PITPNM1: variants seen among roughly 807,000 people sequenced by gnomAD.
PITPNM1 encodes the protein membrane-associated phosphatidylinositol transfer protein 1.
PITPNM1 carries 74 observed loss-of-function variants against 133.3 expected under a neutral mutation model. The observed-to-expected ratio is 0.56, with a 90% confidence interval of 0.46 to 0.67. PITPNM1 has a LOEUF of 0.67. Among genes scored for constraint, PITPNM1 ranks in the 30% least tolerant of loss-of-function variants. The pLI is 0.00. For synonymous variants in PITPNM1, 738 were observed against 741.4 expected (o/e 1.00, Z 0.08); for missense variants, 1,398 against 1,739.5 (o/e 0.80, Z 3.49).
chr11:67,496,680 A>C (rs576622385), intron 14 of PITPNM1: 1 of 293,724 alleles, frequency 3.4e-6, no homozygotes, highest in South Asian at 6.2e-5. Flanking sequence ...CATTCCTGGA[A>C]TCCCAGCACT....
At chr11:67,493,207 C>T (rs1040173133) in intron 22 of PITPNM1, 145 bp from the exon 23 acceptor site, 16 of 1,142,764 alleles carry the variant, frequency 1.4e-5, no homozygotes, top group Middle Eastern at 2.4e-4. Context: ...GGGACAGGGG[C>T]GGGACCAGCT....
Position 67,502,306 on chromosome 11 carries a change from C to T in PITPNM1, c.401G>A (p.Arg134Lys). 3.7e-6 allele frequency: 6 copies of T among 1,613,338 alleles called. No individual in the cohort carries two copies. Among genetic ancestry groups the T allele is most frequent in the Non-Finnish European group, 5.1e-6 (6 of 1,180,004 alleles). The change falls in exon 4 of 24, where the codon AGA (arginine) becomes AAA (lysine). Residue 134 changes from arginine to lysine, a missense_variant. Physicochemically the swap from Arg to Lys is conservative, Grantham distance 26. Around this residue, in one of 5 missense-constraint regions of PITPNM1, gnomAD observed 274 missense variants for 360.7 expected, o/e 0.76. Transcript: ENST00000356404. The surrounding 1 kb of genome is among the most constrained non-coding windows in gnomAD (Gnocchi z 5.9). ...CCAGGCCTCACCCAGGATGCGCTGT[C>T]TCCTCTCGGCCCCGCTCAGGTTGAA... ...NVFNLSGAER[R>K]QRILDTIDIV... is the part of the protein sequence containing the mutation.
chr11:67,493,036 A>T lies in PITPNM1; in HGVS notation c.3369T>A (p.Tyr1123Ter). ...QEVELNIVAG[Y>*]GSPKDVAVYA... The stretch of plus-strand genomic sequence containing the variant: ...ATACAGCCACATCTTTGGGAGACCC[A>T]TAACCGGCCACGATGTTCAGTTCTA... The change falls in exon 23 of 24, where the codon TAT (tyrosine) becomes TAA (stop). Residue 1123 changes from tyrosine to a stop codon, truncating the protein, a stop_gained. Coordinates refer to ENST00000356404, the MANE Select transcript of PITPNM1 (RefSeq NM_004910.3). LOFTEE classifies it high-confidence loss of function. The T allele has an allele frequency of 6.2e-7, 1 of 1,613,092 alleles. No homozygotes were observed. The highest frequency in any genetic ancestry group is 8.5e-7 in the Non-Finnish European group (1 of 1,179,936).
intron 5 of PITPNM1, 132 bp from the exon 6 acceptor site, chr11:67,500,553 G>A: frequency 1.2e-6 from 1 of 805,874 alleles, no homozygotes; most frequent in Non-Finnish European, 2.0e-6. Flanking sequence ...AGTAGGGCAG[G>A]GCCAGTGCAG....
At chr11:67,497,152 T>G in intron 14 of PITPNM1, 79 bp downstream of exon 14, 1 of 1,214,800 alleles carries the variant, frequency 8.2e-7, no homozygotes, top group Non-Finnish European at 1.1e-6. Context: ...ATGCCTCGGA[T>G]GAGAGGGAAG....
Position 67,492,051 on chromosome 11 carries a change from C to T in PITPNM1, c.3717G>A (p.Lys1239=). Residue 1239 remains lysine (K), a synonymous_variant, in exon 24 of 24, where the codon AAG becomes AAA. Coordinates refer to ENST00000356404, the MANE Select transcript of PITPNM1 (RefSeq NM_004910.3). ...ARGKARSISL[K]LDSEE ...GTGGGCCTCACTCCTCGCTGTCCAGCTTCAGGCTGATGCTCCGTGCTTTGC... is the reference window on the plus strand; with the variant it reads ...GTGGGCCTCACTCCTCGCTGTCCAGTTTCAGGCTGATGCTCCGTGCTTTGC... 2 of 1,612,480 alleles carry T rather than the reference C, an allele frequency of 1.2e-6. No individual in the cohort carries two copies. Among genetic ancestry groups the T allele is most frequent in the Non-Finnish European group, 1.7e-6 (2 of 1,179,850 alleles).
rs763828009 is a variant in PITPNM1, at chr11:67,494,044, C to T, written c.2886G>A (p.Pro962=). 6.2e-6 allele frequency: 10 copies of T among 1,608,292 alleles called. No individual in the cohort carries two copies. Among genetic ancestry groups the T allele is most frequent in the African/African-American group, 1.3e-5 (1 of 74,660 alleles). The change falls in exon 20 of 24, where the codon CCG becomes CCA. Residue 962 remains proline (P), a synonymous_variant. Coordinates refer to ENST00000356404, the MANE Select transcript of PITPNM1 (RefSeq NM_004910.3). ...EKVDVYIMTQ[P]LSGKWIHFGT... is the part of the protein sequence containing the mutation. Reference sequence around the variant, plus strand: ...CAAAGTGGATCCACTTGCCCGACAGCGGCTGCGTCATGATGTAGACATCCA... The same window carrying T: ...CAAAGTGGATCCACTTGCCCGACAGTGGCTGCGTCATGATGTAGACATCCA...
chr11:67,496,426 C>A (rs757691212), intron 14 of PITPNM1, 78 bp from the exon 15 acceptor site: 4 of 1,344,876 alleles, frequency 3.0e-6, no homozygotes, highest in Non-Finnish European at 4.0e-6. Flanking sequence ...GGTGTGGGAG[C>A]AGCACCCTGA....
rs1428366237 is a variant in PITPNM1, at chr11:67,498,992, G to A, written c.1181C>T (p.Ala394Val). ...ATCCTCAATGCCTTTAGCTGCCTCG[G>A]CTCCAGGCTCTGCAGGGCAACGAAG... ...VEAEGTPEPG[A>V]EAAKGIEDGA... is the part of the protein sequence containing the mutation. Residue 394 changes from alanine (A) to valine (V), a missense_variant, in exon 9 of 24, where the codon GCC becomes GTC. Physicochemically the swap from Ala to Val is moderately conservative, Grantham distance 64 (BLOSUM62 0). Around this residue, in one of 5 missense-constraint regions of PITPNM1, gnomAD observed 195 missense variants for 178.8 expected, o/e 1.09. Transcript: ENST00000356404. This position sits in a 1 kb window ranked among gnomAD's most constrained non-coding sequence, Gnocchi z 5.7. 1.2e-6 allele frequency: 2 copies of A among 1,611,658 alleles called. No homozygotes were observed. The highest frequency in any genetic ancestry group is 2.2e-5 in the South Asian group (2 of 91,008).
chr11:67,499,892 C>G (rs1866267693), intron 7 of PITPNM1, 22 bp downstream of exon 7: 1 of 1,605,110 alleles, frequency 6.2e-7, no homozygotes, highest in Admixed American at 1.7e-5. Context: ...TCCCCACTCC[C>G]AAAAAGGGCC....
At position 67,498,687 on chromosome 11, in the gene PITPNM1, G is replaced by A. The variant is rs766683581; in HGVS notation, c.1393C>T (p.Arg465Cys). ...CCCAAGGCCTCAGGGAAGTGGATGCGGGTGACGGCCTCGAAGGCGGAGCTC... is the reference window on the plus strand; with the variant it reads ...CCCAAGGCCTCAGGGAAGTGGATGCAGGTGACGGCCTCGAAGGCGGAGCTC... The part of the protein sequence containing the change: ...TLSSAFEAVT[R>C]IHFPEALGHV... The change falls in exon 10 of 24, where the codon CGC becomes TGC. Residue 465 changes from arginine (R) to cysteine (C), a missense_variant. Transcript: ENST00000356404. The surrounding 1 kb of genome is among the most constrained non-coding windows in gnomAD (Gnocchi z 5.7). 11 of 1,604,038 alleles carry A rather than the reference G, an allele frequency of 6.9e-6. No homozygotes were observed. The highest frequency in any genetic ancestry group is 5.3e-5 in the African/African-American group (4 of 75,058).
Position 67,500,127 on chromosome 11 carries a change from G to A in PITPNM1, c.935C>T (p.Ser312Phe). The A allele has an allele frequency of 1.3e-6, 2 of 1,593,234 alleles. No homozygotes were observed. The highest frequency in any genetic ancestry group is 1.7e-6 in the Non-Finnish European group (2 of 1,168,106). Residue 312 changes from serine (S) to phenylalanine (F), a missense_variant, in exon 6 of 24, where the codon TCC becomes TTC. Physicochemically the swap from Ser to Phe is radical, Grantham distance 155. Around this residue, in one of 5 missense-constraint regions of PITPNM1, gnomAD observed 195 missense variants for 178.8 expected, o/e 1.09. Transcript: ENST00000356404. ...TTGGGATGAGTAGGAGGAACGGGAG[G>A]ATGAGGACCACTGCTTCCCAAAGCT... The part of the protein sequence containing the change: ...DASFGKQWSS[S>F]SRSSYSSQHG...
rs149608063 is a variant in PITPNM1 at position 67,502,395 on chromosome 11, C to T, written c.312G>A (p.Val104=). ...TCTCAATTTCAATGGAGAATTTCTC[C>T]ACGAAAGGGCAGGTGTACCTGGGCA... The part of the protein sequence containing the change: ...YTRTRYTCPF[V]EKFSIEIETY... Residue 104 remains valine, a synonymous_variant, in exon 4 of 24, where the codon GTG becomes GTA. Transcript: ENST00000356404. The surrounding 1 kb of genome is among the most constrained non-coding windows in gnomAD (Gnocchi z 5.9). 20 of 1,613,798 alleles carry T rather than the reference C, an allele frequency of 1.2e-5. No individual in the cohort carries two copies. The African/African-American group carries it at 2.1e-4, about 17-fold the overall frequency.
At chr11:67,505,821 A>G (rs1866491754), upstream of PITPNM1, among the ~76,000 whole-genome samples, 1 of 152,144 alleles carries the variant, frequency 6.6e-6, no homozygotes, top group Non-Finnish European at 1.5e-5. The surrounding 1 kb of genome is among the most constrained non-coding windows in gnomAD (Gnocchi z 5.8). Context: ...TCACCCAGCT[A>G]CACGCCCAGG....
chr11:67,497,868 CAG>C (rs1866181736), intron 12 of PITPNM1, 47 bp downstream of exon 12: 2 of 1,564,496 alleles, frequency 1.3e-6, no homozygotes, highest in Non-Finnish European at 1.7e-6. Flanking sequence ...GACCTAGAGC[CAG>C]AGAGGGCCTT....
At chr11:67,496,762 C>A (rs562785211) in intron 14 of PITPNM1, 1 of 196,100 alleles carries the variant, frequency 5.1e-6, no homozygotes, top group African/African-American at 2.3e-5. Flanking sequence ...TGGCAAAACC[C>A]TGTCTCTACT....
At chr11:67,499,354 T>G (rs1866237604) in intron 8 of PITPNM1, among the ~76,000 whole-genome samples, 1 of 151,728 alleles carries the variant, frequency 6.6e-6, no homozygotes, top group African/African-American at 2.4e-5. Context: ...TAACCCCATT[T>G]TCAGTGCCTG....
Position 67,493,339 on chromosome 11 carries a change from C to T in PITPNM1, c.3342+71G>A. On this transcript the variant is annotated intron_variant, in intron 22 of 23. Transcript: ENST00000356404. Reference sequence around the variant, plus strand: ...CAGTTGGGAACAGATGGGCCTCCGCCGATCCGGGGGTGGAGGGTAAGGGGG... The same window carrying T: ...CAGTTGGGAACAGATGGGCCTCCGCTGATCCGGGGGTGGAGGGTAAGGGGG... 2.1e-6 allele frequency: 3 copies of T among 1,428,730 alleles called. No individual in the cohort carries two copies. The South Asian group carries it at 4.1e-5, about 19-fold the overall frequency. 88.5% of individuals were successfully genotyped at this position (1,428,730 alleles called of 1,614,324 possible). A position where few individuals can be genotyped will look rare whatever the true frequency, so the allele number is the denominator to read the frequency against.
chr11:67,502,345 T>G lies in PITPNM1; in HGVS notation c.362A>C (p.Gln121Pro). 6.2e-7 allele frequency: 1 copy of G among 1,613,722 alleles called. No individual in the cohort carries two copies. Among genetic ancestry groups the G allele is most frequent in the Non-Finnish European group, 8.5e-7 (1 of 1,180,016 alleles). The change falls in exon 4 of 24, where the codon CAG (glutamine) becomes CCG (proline). Residue 121 changes from glutamine to proline, a missense_variant. Coordinates refer to ENST00000356404, the MANE Select transcript of PITPNM1 (RefSeq NM_004910.3). The surrounding 1 kb of genome is among the most constrained non-coding windows in gnomAD (Gnocchi z 5.9). Reference protein sequence around the residue: ...IETYYLPDGGQQPNVFNLSGA... With the variant: ...IETYYLPDGGPQPNVFNLSGA... ...GCTCAGGTTGAAGACGTTTGGCTGCTGCCCCCCATCAGGCAGGTAATAGGT... is the reference window on the plus strand; with the variant it reads ...GCTCAGGTTGAAGACGTTTGGCTGCGGCCCCCCATCAGGCAGGTAATAGGT...
Sources: allele counts gnomAD v4.1 joint callset (sites outside exome capture counted in the v4.1 genomes callset), GRCh38; gene constraint gnomAD v4.1.1; regional missense constraint gnomAD v4.1.1; non-coding constraint Gnocchi (gnomAD v3.1); transcripts MANE v1.5; gene names NCBI Gene and HGNC (gene_info 2026-07-23, HGNC 2026-07-21).